The following PCNT variants were observed in gnomAD, a reference collection of about 807,000 sequenced individuals.
PCNT encodes kendrin.
In PCNT, 319 loss-of-function variants were observed where a neutral mutation model predicts 380.4. That is an observed-to-expected ratio of 0.84 (90% CI 0.77 to 0.92). The LOEUF (loss-of-function observed/expected upper bound fraction) is 0.92, where lower values mean the gene tolerates loss of function less well. PCNT is among the 40% of genes least tolerant of loss of function. The pLI is 0.00. For missense variants in PCNT, 4,400 were observed against 4,255.3 expected (o/e 1.03, Z -0.95); for synonymous variants, 1,845 against 1,735.2 (o/e 1.06, Z -1.57).
intron 21 of PCNT, among the ~76,000 whole-genome samples, chr21:46,391,940 G>A (rs74966935): frequency 1.3e-5 from 2 of 152,206 alleles, no homozygotes; most frequent in Admixed American, 6.5e-5. Flanking sequence ...TCTCAGGCAC[G>A]TGGGAGGCAG....
Position 46,346,928 on chromosome 21 carries a change from G to A in PCNT, c.906G>A (p.Glu302=). 2 of 1,599,772 alleles carry A rather than the reference G, an allele frequency of 1.3e-6. No individual in the cohort carries two copies. The highest frequency in any genetic ancestry group is 1.7e-6 in the Non-Finnish European group (2 of 1,174,654). The change falls in exon 5 of 47, where the codon GAG becomes GAA. Residue 302 remains glutamate (E), a synonymous_variant. Transcript: ENST00000359568. ...LALLQSRQQH[E]LELLREQHAR... is the part of the protein sequence containing the mutation. ...TGCTACAGAGCAGGCAGCAGCACGA[G>A]CTGGAGCTCCTCAGGGAGCAGCACG... is the stretch of plus-strand genomic sequence containing the variant.
intron 15 of PCNT, among the ~76,000 whole-genome samples, chr21:46,371,249 A>G (rs1044841676): frequency 1.1e-4 from 17 of 150,922 alleles, no homozygotes; most frequent in Admixed American, 2.6e-4. Context: ...CGGAGTCTCA[A>G]AAAAAGTCTA....
rs1197675746 is a variant in PCNT at position 46,411,756 on chromosome 21, C to T, written c.5683C>T (p.Leu1895=). Residue 1895 remains leucine, a synonymous_variant, in exon 28 of 47, where the codon CTG becomes TTG. Coordinates refer to ENST00000359568, the MANE Select transcript of PCNT (RefSeq NM_006031.6). ...CCACTCTGCCGAGCTGGAGGCCGTC[C>T]TGTTGGCCTTGGCCCGCATCCGCCG... is the stretch of plus-strand genomic sequence containing the variant. ...AAHSAELEAV[L]LALARIRRAL... The T allele has an allele frequency of 6.2e-7, 1 of 1,610,598 alleles. No individual in the cohort carries two copies. Among genetic ancestry groups the T allele is most frequent in the Non-Finnish European group, 8.5e-7 (1 of 1,179,646 alleles).
rs553419581 is a variant in PCNT at position 46,422,497 on chromosome 21, C to T, written c.7179+373C>T. Among the ~76,000 whole-genome samples the T allele has an allele frequency of 1.2e-4, 19 of 152,278 alleles. No homozygotes were observed. The South Asian group carries it at 3.5e-3, about 28-fold the overall frequency. On this transcript the variant is annotated intron_variant, in intron 32 of 46. Coordinates refer to ENST00000359568, the MANE Select transcript of PCNT (RefSeq NM_006031.6). Reference sequence around the variant, plus strand: ...ACGCCGCAGTGCTCTAGGACTGAGCCGAGTTCTCTTCAGACGATGGGAGAG... The same window carrying T: ...ACGCCGCAGTGCTCTAGGACTGAGCTGAGTTCTCTTCAGACGATGGGAGAG...
rs934693229 is a variant in PCNT, at chr21:46,440,725, A to AT, written c.9394-129dup. 7 of 545,230 alleles carry AT rather than the reference A, an allele frequency of 1.3e-5. No individual in the cohort carries two copies. The Admixed American group carries it at 2.2e-4, about 18-fold the overall frequency. 33.8% of individuals were successfully genotyped at this position (545,230 alleles called of 1,614,324 possible). ...GGCCACAGATACTGTTGGAAGGCCG[A>AT]TGGCTCTGTGATGATTTGATGGGAA... On this transcript the variant is annotated intron_variant, in intron 42 of 46. Transcript: ENST00000359568.
chr21:46,370,189 A>C (rs1298342999), intron 15 of PCNT, among the ~76,000 whole-genome samples: 1 of 137,252 alleles, frequency 7.3e-6, no homozygotes, highest in Admixed American at 7.3e-5. Flanking sequence ...GTGTCAGTGC[A>C]CCTGGCCAGC....
rs1270432305 is a variant in PCNT at position 46,366,865 on chromosome 21, A to G, written c.2891A>G (p.His964Arg). 2 of 1,614,054 alleles carry G rather than the reference A, an allele frequency of 1.2e-6. No individual in the cohort carries two copies. The highest frequency in any genetic ancestry group is 1.7e-6 in the Non-Finnish European group (2 of 1,180,058). Residue 964 changes from histidine to arginine, a missense_variant, in exon 15 of 47, where the codon CAT becomes CGT. His to Arg is a conservative substitution (Grantham distance 29). Coordinates refer to ENST00000359568, the MANE Select transcript of PCNT (RefSeq NM_006031.6). ...AADLGALETR[H>R]LSSLDSLESC... is the part of the protein sequence containing the mutation. ...GACCTCGGCGCTCTGGAGACCAGAC[A>G]TCTGTCCAGCCTTGATTCTTTGGAA...
In PCNT at chr21:46,325,143, C is replaced by T. The variant is rs2083331891; in HGVS notation, c.54+861C>T. ...AATAAAGCGCGCAGAGCCCATGACT[C>T]GGGGGCAGGAGAAAGGGAGTCCCGA... On this transcript the variant is annotated intron_variant, in intron 1 of 46. Transcript: ENST00000359568. 3 of 985,650 alleles carry T rather than the reference C, an allele frequency of 3.0e-6. No individual in the cohort carries two copies. The South Asian group carries it at 1.4e-4, about 46-fold the overall frequency. The allele number at this position is 985,650 out of a possible 1,614,324, so 61.1% of individuals were successfully genotyped here.
rs1169881921 is a variant in PCNT, at chr21:46,385,817, C to G, written c.3313-15C>G. ...AAATTGTTTTAACGAAAGCTTTAAC[C>G]ATTTTTCTCGATAGCTGAAAGACCA... On this transcript the variant is annotated splice_polypyrimidine_tract_variant and intron_variant, in intron 16 of 46. Transcript: ENST00000359568. 1.2e-6 allele frequency: 2 copies of G among 1,614,042 alleles called. No homozygotes were observed. Among genetic ancestry groups the G allele is most frequent in the Middle Eastern group, 1.6e-4 (1 of 6,062 alleles).
At chr21:46,422,840 C>T (rs774889769) in intron 32 of PCNT, among the ~76,000 whole-genome samples, 2 of 152,198 alleles carry the variant, frequency 1.3e-5, no homozygotes, top group Admixed American at 6.5e-5. Flanking sequence ...CCGCAGCTCC[C>T]GTTGTCTCAG....
At chr21:46,394,473 C>T (rs977318639) in intron 21 of PCNT, 2 of 976,640 alleles carry the variant, frequency 2.0e-6, no homozygotes, top group African/African-American at 3.5e-5. Context: ...TTTCTGTTTC[C>T]ACCTCAGTAA....
intron 16 of PCNT, 140 bp from the exon 17 acceptor site, chr21:46,385,692 T>C (rs1383729836): frequency 1.1e-5 from 10 of 900,394 alleles, no homozygotes; most frequent in South Asian, 4.0e-5. Flanking sequence ...CCGAAGTGCC[T>C]GCTCCTTTTG....
At chr21:46,352,727 A>G (rs924264187) in intron 9 of PCNT, among the ~76,000 whole-genome samples, 6 of 152,176 alleles carry the variant, frequency 3.9e-5, no homozygotes, top group African/African-American at 1.4e-4. Flanking sequence ...GGTCCCCCAT[A>G]GCCCACATCC....
At chr21:46,347,962 C>T (rs111455689) in intron 6 of PCNT, among the ~76,000 whole-genome samples, 104 of 152,298 alleles carry the variant, frequency 6.8e-4, no homozygotes, top group African/African-American at 2.4e-3. Flanking sequence ...AGCAGTGCCC[C>T]GTCATTGCCA....
intron 25 of PCNT, among the ~76,000 whole-genome samples, chr21:46,401,122 T>C (rs767466014): frequency 2.0e-5 from 3 of 152,284 alleles, no homozygotes; most frequent in African/African-American, 4.8e-5. Context: ...TATGTCATGC[T>C]CTTGCGCATG....
At chr21:46,356,792 A>G (rs1019876266) in intron 12 of PCNT, among the ~76,000 whole-genome samples, 182 bp from the exon 13 acceptor site, 4 of 152,202 alleles carry the variant, frequency 2.6e-5, no homozygotes, top group African/African-American at 9.6e-5. Flanking sequence ...AGGTGTCCCG[A>G]AAGGGAGGGG....
chr21:46,401,751 C>T (rs1168358511), intron 26 of PCNT, 30 bp downstream of exon 26: 1 of 1,612,536 alleles, frequency 6.2e-7, no homozygotes, highest in Admixed American at 1.7e-5. Flanking sequence ...ATGGGACTGC[C>T]AGCCCTGGGT....
At chr21:46,381,926 C>T in intron 16 of PCNT, 86 bp downstream of exon 16, 1 of 1,365,908 alleles carries the variant, frequency 7.3e-7, no homozygotes, top group Non-Finnish European at 1.0e-6. Context: ...AGTTCAGTGG[C>T]AGGAGTGCAC....
intron 27 of PCNT, among the ~76,000 whole-genome samples, chr21:46,405,980 G>T (rs1482013484): frequency 1.3e-5 from 2 of 152,084 alleles, no homozygotes; most frequent in East Asian, 3.9e-4. Flanking sequence ...AGATGCGGAT[G>T]CTATTTTGCT....
Sources: allele counts gnomAD v4.1 joint callset (sites outside exome capture counted in the v4.1 genomes callset), GRCh38; gene constraint gnomAD v4.1.1; transcripts MANE v1.5; gene names NCBI Gene and HGNC (gene_info 2026-07-23, HGNC 2026-07-21).